The following DGKH variants were observed in gnomAD, a reference collection of about 807,000 sequenced individuals.
The protein encoded by DGKH is diacylglycerol kinase eta.
In DGKH, 90 loss-of-function variants were observed where a neutral mutation model predicts 159.3. That is an observed-to-expected ratio of 0.57 (90% CI 0.48 to 0.67). The LOEUF is 0.67. DGKH is among the 30% of genes least tolerant of loss of function. The pLI is 0.00. For missense variants in DGKH, 1,181 were observed against 1,506.1 expected, an observed-to-expected ratio of 0.78 and a Z score of 3.57; for synonymous variants, 536 against 553.8, an observed-to-expected ratio of 0.97 and a Z score of 0.45.
intron 29 of DGKH, among the ~76,000 whole-genome samples, chr13:42,250,209 T>G (rs1219149625): frequency 6.6e-6 from 1 of 151,460 alleles, no homozygotes; most frequent in East Asian, 2.0e-4. Flanking sequence ...GACCTCCTGA[T>G]CCACCCGCCT....
In DGKH at chr13:42,239,548, T is replaced by G. The variant is rs1958478971; in HGVS notation, c.*10360T>G. 1 of 152,654 alleles carries G rather than the reference T, an allele frequency of 6.6e-6. No individual in the cohort carries two copies. The highest frequency in any genetic ancestry group is 1.5e-5 in the Non-Finnish European group (1 of 68,024). 9.5% of individuals were successfully genotyped at this position (152,654 alleles called of 1,614,324 possible). A position where few individuals can be genotyped will look rare whatever the true frequency, so the allele number is the denominator to read the frequency against. On this transcript the variant is annotated 3_prime_UTR_variant, in exon 30 of 30. Coordinates refer to ENST00000337343, the MANE Select transcript of DGKH (RefSeq NM_178009.5). ...GAATTCTCATTTTATGCTGTGTTTC[T>G]CATTAGTTGCAGTAAAGTGTTGATT... is the stretch of plus-strand genomic sequence containing the variant.
intron 29 of DGKH, among the ~76,000 whole-genome samples, chr13:42,225,614 A>C (rs1958103635): frequency 6.6e-6 from 1 of 151,954 alleles, no homozygotes; most frequent in Admixed American, 6.6e-5. Flanking sequence ...CTCTACTAAA[A>C]ATACAAAAAT....
intron 8 of DGKH, 101 bp downstream of exon 8, chr13:42,165,534 G>A (rs1197703131): frequency 6.9e-6 from 4 of 582,832 alleles, no homozygotes; most frequent in African/African-American, 3.9e-5. Flanking sequence ...ATTGACTATT[G>A]TAGTCAGTTT....
At chr13:42,153,339 G>T (rs531925608) in intron 3 of DGKH, among the ~76,000 whole-genome samples, 6 of 152,128 alleles carry the variant, frequency 3.9e-5, no homozygotes, top group Non-Finnish European at 8.8e-5. Flanking sequence ...AGGCACTAAA[G>T]ACAGTTAAAA....
chr13:42,096,717 A>G (rs1012615348), intron 1 of DGKH, among the ~76,000 whole-genome samples: 1 of 152,180 alleles, frequency 6.6e-6, no homozygotes, highest in African/African-American at 2.4e-5. Context: ...TTGCTACCCT[A>G]CTGGAAGCTA....
Position 42,154,070 on chromosome 13 carries a change from A to G in DGKH, c.385-1221A>G, listed in dbSNP as rs569821014. 1.3e-3 allele frequency among the ~76,000 whole-genome samples: 194 copies of G among 152,344 alleles called. 1 individual carries two copies. The highest frequency in any genetic ancestry group is 4.3e-3 in the African/African-American group (177 of 41,580). On this transcript the variant is annotated intron_variant, in intron 3 of 29. Coordinates refer to ENST00000337343, the MANE Select transcript of DGKH (RefSeq NM_178009.5). ...ATATTGGACTTATTTTCTAAGATGA[A>G]TAGTAATGATTTAGGCTTACTAGTT...
chr13:42,087,248 G>C (rs1031791728), intron 1 of DGKH, among the ~76,000 whole-genome samples: 3 of 152,144 alleles, frequency 2.0e-5, no homozygotes, highest in African/African-American at 7.2e-5. Context: ...TTAGAGTAAA[G>C]GCTGCTCTGG....
intron 3 of DGKH, among the ~76,000 whole-genome samples, chr13:42,135,709 A>G (rs1955390681): frequency 6.6e-6 from 1 of 152,054 alleles, no homozygotes; most frequent in African/African-American, 2.4e-5. Flanking sequence ...GCTGTATGTG[A>G]ATGTATTCCT....
At chr13:42,173,812 C>T (rs542274602) in intron 11 of DGKH, among the ~76,000 whole-genome samples, 4 of 152,104 alleles carry the variant, frequency 2.6e-5, no homozygotes, top group African/African-American at 9.6e-5. Flanking sequence ...CATTTGGAAG[C>T]CACTAATTGG....
intron 29 of DGKH, among the ~76,000 whole-genome samples, chr13:42,248,608 T>C (rs1484686432): frequency 6.8e-6 from 1 of 147,626 alleles, no homozygotes; most frequent in Non-Finnish European, 1.5e-5. Flanking sequence ...TAATAATTTA[T>C]ATAATACATA....
At chr13:42,065,216 C>T (rs1187404887) in intron 1 of DGKH, among the ~76,000 whole-genome samples, 2 of 152,176 alleles carry the variant, frequency 1.3e-5, no homozygotes, top group Non-Finnish European at 2.9e-5. Flanking sequence ...CTGCCTTGGA[C>T]AAGCCAGAAA....
At chr13:42,249,780 T>A (rs1380735556) in intron 29 of DGKH, among the ~76,000 whole-genome samples, 4 of 152,138 alleles carry the variant, frequency 2.6e-5, no homozygotes, top group Non-Finnish European at 5.9e-5. Context: ...TGTCTAAGAA[T>A]CATTTGCAGA....
chr13:42,070,151 G>T, intron 1 of DGKH: 1 of 914,698 alleles, frequency 1.1e-6, no homozygotes, highest in Non-Finnish European at 1.9e-6. Context: ...CTCATGTAAG[G>T]ATGGGAGAGC....
At chr13:42,249,486 T>C (rs1190930598) in intron 29 of DGKH, among the ~76,000 whole-genome samples, 1 of 152,152 alleles carries the variant, frequency 6.6e-6, no homozygotes, top group East Asian at 1.9e-4. Flanking sequence ...ACTGATTTTG[T>C]AACCCACTAA....
intron 3 of DGKH, among the ~76,000 whole-genome samples, chr13:42,143,172 T>C (rs1955617729): frequency 6.6e-6 from 1 of 152,222 alleles, no homozygotes; most frequent in South Asian, 2.1e-4. Context: ...GTTTTTGTTG[T>C]CGGTTCTGTT....
chr13:42,190,040 T>A (rs758744461), intron 15 of DGKH, among the ~76,000 whole-genome samples: 5 of 152,344 alleles, frequency 3.3e-5, no homozygotes, highest in Non-Finnish European at 5.9e-5. Flanking sequence ...AAGCTCTGCC[T>A]TGTTTTAATT....
chr13:42,077,608 T>C (rs1593993343), intron 1 of DGKH, among the ~76,000 whole-genome samples: 1 of 152,378 alleles, frequency 6.6e-6, no homozygotes, highest in East Asian at 1.9e-4. Context: ...TTACTATGCT[T>C]GGCCCTGGCC....
intron 26 of DGKH, among the ~76,000 whole-genome samples, chr13:42,218,834 T>C (rs1386435663): frequency 2.0e-5 from 3 of 152,080 alleles, no homozygotes; most frequent in Non-Finnish European, 4.4e-5. Flanking sequence ...ATCAGAAGGA[T>C]TTTTGGCACA....
upstream of DGKH, chr13:42,044,151 C>T (rs1001495337): frequency 6.6e-6 from 1 of 152,276 alleles, no homozygotes; most frequent in African/African-American, 2.4e-5. Context: ...AGCCACTGCA[C>T]CTGGCCTCTC....
Sources: allele counts gnomAD v4.1 joint callset (sites outside exome capture counted in the v4.1 genomes callset), GRCh38; gene constraint gnomAD v4.1.1; transcripts MANE v1.5; gene names NCBI Gene and HGNC (gene_info 2026-07-23, HGNC 2026-07-21).